Variants in RIPOR2 observed in about 807,000 individuals in gnomAD.
The protein encoded by RIPOR2 is rho family-interacting cell polarization regulator 2.
A neutral mutation model predicts 114.5 loss-of-function variants in RIPOR2; 39 were observed. The observed-to-expected ratio is 0.34, with a 90% CI of 0.26 to 0.44. RIPOR2 has a LOEUF of 0.44. RIPOR2 is among the 20% of genes least tolerant of loss of function. The probability of loss-of-function intolerance (pLI) is 1.00; values close to 1 mark genes in which losing one functional copy is unlikely to be tolerated. For missense variants in RIPOR2, 1,007 were observed against 1,255.1 expected (o/e 0.80, Z 2.99); for synonymous variants, 445 against 484.4 (o/e 0.92, Z 1.07).
chr6:25,031,703 A>T (rs1420639107), intron 1 of RIPOR2, among the ~76,000 whole-genome samples: 10 of 2,168 alleles, frequency 4.6e-3, no homozygotes, highest in African/African-American at 0.013. Context: ...TGGTAGTTAT[A>T]TATATATATA....
At chr6:24,955,463 T>G (rs2079499828) in intron 1 of RIPOR2, among the ~76,000 whole-genome samples, 1 of 151,420 alleles carries the variant, frequency 6.6e-6, no homozygotes, top group Non-Finnish European at 1.5e-5. Context: ...CCCTCACCCC[T>G]GCTCACAATT....
chr6:24,915,884 C>A (rs1186082741), intron 1 of RIPOR2, among the ~76,000 whole-genome samples: 1 of 152,138 alleles, frequency 6.6e-6, no homozygotes, highest in Admixed American at 6.5e-5. Flanking sequence ...GCAGTTGGTT[C>A]CAGAAGCCTT....
At chr6:24,887,987 C>T (rs184240724) in intron 1 of RIPOR2, among the ~76,000 whole-genome samples, 1 of 151,550 alleles carries the variant, frequency 6.6e-6, no homozygotes, top group African/African-American at 2.4e-5. Context: ...CACTTGTAGA[C>T]CCTCATTTGG....
intron 1 of RIPOR2, among the ~76,000 whole-genome samples, chr6:24,927,146 C>CAACTACAATCACCAT: frequency 1.0e-5 from 1 of 97,292 alleles, no homozygotes; most frequent in Non-Finnish European, 2.1e-5. Context: ...ACCACCACCA[C>CAACTACAATCACCAT]CACCACCACC....
intron 1 of RIPOR2, among the ~76,000 whole-genome samples, chr6:24,981,684 C>T (rs1774302910): frequency 6.6e-6 from 1 of 152,226 alleles, no homozygotes; most frequent in African/African-American, 2.4e-5. Flanking sequence ...GGAGCTATAT[C>T]ATCCAGGGTC....
chr6:24,877,290 G>A (rs937463010), intron 1 of RIPOR2: 1 of 985,272 alleles, frequency 1.0e-6, no homozygotes. Context: ...TGTTGCTGCA[G>A]GTTTTTAAAT....
Position 24,842,989 on chromosome 6 carries a change from G to T in RIPOR2, c.1730C>A (p.Ser577Tyr), listed in dbSNP as rs1232614649. Reference protein sequence around the residue: ...SVGGESEGCRSFLDGSLEDAF... With the variant: ...SVGGESEGCRYFLDGSLEDAF... ...ATCCTCTAAGCTTCCATCTAGAAAG[G>T]ATCTGCAGCCTTCAGATTCTCCACC... Residue 577 changes from serine (S) to tyrosine (Y), a missense_variant, in exon 13 of 22, where the codon TCC (serine) becomes TAC (tyrosine). Physicochemically the swap from Ser to Tyr is moderately radical, Grantham distance 144. Coordinates refer to ENST00000643898, the MANE Select transcript of RIPOR2 (RefSeq NM_001286445.3). The T allele has an allele frequency of 6.3e-7, 1 of 1,582,330 alleles. No homozygotes were observed. The highest frequency in any genetic ancestry group is 2.2e-5 in the East Asian group (1 of 44,520).
intron 14 of RIPOR2, among the ~76,000 whole-genome samples, chr6:24,837,595 A>G (rs142815062): frequency 1.6e-4 from 24 of 152,090 alleles, no homozygotes; most frequent in Non-Finnish European, 2.5e-4. Context: ...TTTTTAGTAG[A>G]GATGGCATTT....
At chr6:24,981,554 T>C (rs1774296978) in intron 1 of RIPOR2, among the ~76,000 whole-genome samples, 1 of 152,184 alleles carries the variant, frequency 6.6e-6, no homozygotes, top group Non-Finnish European at 1.5e-5. Flanking sequence ...GTTCCGGAAC[T>C]GGGAGTATAA....
At chr6:25,021,440 A>G (rs770442965) in intron 1 of RIPOR2, among the ~76,000 whole-genome samples, 3 of 152,236 alleles carry the variant, frequency 2.0e-5, no homozygotes, top group Non-Finnish European at 4.4e-5. Context: ...TACATTCACG[A>G]TGGAATACTA....
intron 10 of RIPOR2, 141 bp from the exon 11 acceptor site, chr6:24,850,091 C>A (rs796710985): frequency 1.4e-4 from 74 of 527,998 alleles, no homozygotes; most frequent in Non-Finnish European, 1.8e-4. Context: ...TTTCATTTTT[C>A]TTTTTCTTTT....
chr6:24,840,610 G>A, intron 13 of RIPOR2: 1 of 1,518,024 alleles, frequency 6.6e-7, no homozygotes, highest in Non-Finnish European at 8.8e-7. Context: ...TTAGCGCAAG[G>A]TAGGAAGGGC....
At chr6:25,038,577 A>C (rs303032) in intron 1 of RIPOR2, among the ~76,000 whole-genome samples, 2,858 of 152,320 alleles carry the variant, frequency 0.019, 89 homozygotes, top group African/African-American at 0.064. Context: ...GCAGAGAACA[A>C]TGGGTGGCCT....
intron 1 of RIPOR2, among the ~76,000 whole-genome samples, chr6:25,006,677 C>A (rs1042597738): frequency 6.6e-6 from 1 of 152,164 alleles, no homozygotes; most frequent in Non-Finnish European, 1.5e-5. Flanking sequence ...CACCAAGTGG[C>A]CTTGCACAAG....
upstream of RIPOR2, among the ~76,000 whole-genome samples, chr6:24,938,057 C>T (rs771050491): frequency 6.6e-6 from 1 of 152,152 alleles, no homozygotes; most frequent in Non-Finnish European, 1.5e-5. Context: ...CTGTTGAATT[C>T]ATATGTTGAA....
intron 4 of RIPOR2, among the ~76,000 whole-genome samples, chr6:24,872,658 A>T (rs1409698153): frequency 6.6e-6 from 1 of 152,240 alleles, no homozygotes; most frequent in Admixed American, 6.5e-5. Context: ...TTAAAAAATG[A>T]TCTCATAAAC....
At chr6:24,913,471 C>T (rs1769827268) in intron 1 of RIPOR2, among the ~76,000 whole-genome samples, 1 of 152,188 alleles carries the variant, frequency 6.6e-6, no homozygotes, top group Non-Finnish European at 1.5e-5. Context: ...GTAGACCCCA[C>T]AGTTCCTCCC....
At chr6:24,818,731 C>A in intron 19 of RIPOR2, 106 bp from the exon 20 acceptor site, 1 of 526,692 alleles carries the variant, frequency 1.9e-6, no homozygotes, top group Non-Finnish European at 3.3e-6. Context: ...ATAACCTACA[C>A]ATTTTGCACT....
At chr6:24,997,904 A>C (rs1775116364) in intron 1 of RIPOR2, among the ~76,000 whole-genome samples, 1 of 152,172 alleles carries the variant, frequency 6.6e-6, no homozygotes. Flanking sequence ...TACTGAAACC[A>C]AAACTTTGCT....
Sources: gnomAD v4.1 joint callset for allele counts (sites outside exome capture counted in the v4.1 genomes callset) on GRCh38, gnomAD v4.1.1 for gene constraint, MANE v1.5 for transcripts, NCBI Gene and HGNC (gene_info 2026-07-23, HGNC 2026-07-21) for gene names.